Variants in NDUFB5 observed in about 807,000 individuals in gnomAD.
NDUFB5 encodes the protein NADH dehydrogenase [ubiquinone] 1 beta subcomplex subunit 5, mitochondrial.
A neutral mutation model predicts 19.4 loss-of-function variants in NDUFB5; 19 were observed. The ratio of observed to expected loss-of-function variants is 0.98; its 90% CI spans 0.68 to 1.43. The LOEUF (loss-of-function observed/expected upper bound fraction) is 1.43. NDUFB5 is among the 40% of genes most tolerant of loss of function. The pLI is 0.00. For synonymous variants in NDUFB5, 80 were observed against 82.6 expected (o/e 0.97, Z 0.17); for missense variants, 233 against 236.5 (o/e 0.99, Z 0.10).
At chr3:179,620,904 T>G (rs1169663172) in intron 5 of NDUFB5, among the ~76,000 whole-genome samples, 1 of 152,244 alleles carries the variant, frequency 6.6e-6, no homozygotes, top group East Asian at 1.9e-4. Context: ...ACCAGTTGTT[T>G]CTTCATCAGT....
intron 1 of NDUFB5, among the ~76,000 whole-genome samples, chr3:179,606,923 T>G (rs1719117597): frequency 6.6e-6 from 1 of 152,236 alleles, no homozygotes; most frequent in Admixed American, 6.5e-5. Flanking sequence ...CAGCAGGAAT[T>G]TGAACTTGTT....
In NDUFB5 at chr3:179,625,722, C is replaced by T. The variant is rs1719653422; in HGVS notation, c.*1682C>T. The T allele has an allele frequency of 6.6e-6, 1 of 152,144 alleles. No individual in the cohort carries two copies. The allele number at this position is 152,144 out of a possible 1,614,324, so 9.4% of individuals were successfully genotyped here. A position where few individuals can be genotyped will look rare whatever the true frequency, so the allele number is the denominator to read the frequency against. ...CCTACTCTCCCCTTCCCTTCCCAGCCTTGTAACCACCTTTCTACTCTGCCT... is the reference window on the plus strand; with the variant it reads ...CCTACTCTCCCCTTCCCTTCCCAGCTTTGTAACCACCTTTCTACTCTGCCT... On this transcript the variant is annotated 3_prime_UTR_variant, in exon 6 of 6. Coordinates refer to ENST00000259037, the MANE Select transcript of NDUFB5 (RefSeq NM_002492.4).
At chr3:179,616,947 A>T in intron 3 of NDUFB5, 36 bp from the exon 4 acceptor site, 2 of 1,504,484 alleles carry the variant, frequency 1.3e-6, no homozygotes, top group Non-Finnish European at 1.8e-6. Flanking sequence ...TAAACTCCTC[A>T]TGCTAAAGTT....
chr3:179,614,886 T>A, intron 1 of NDUFB5, 85 bp from the exon 2 acceptor site: 1 of 996,766 alleles, frequency 1.0e-6, no homozygotes, highest in East Asian at 2.6e-5. Flanking sequence ...GATCCTTGTA[T>A]TTTTTTATAA....
Position 179,604,889 on chromosome 3 carries a change from C to T in NDUFB5, c.74C>T (p.Thr25Ile), listed in dbSNP as rs1362516700. 2.5e-6 allele frequency: 4 copies of T among 1,595,664 alleles called. No individual in the cohort carries two copies. Among genetic ancestry groups the T allele is most frequent in the Admixed American group, 1.9e-5 (1 of 52,518 alleles). The change falls in exon 1 of 6, where the codon ACT becomes ATT. Residue 25 changes from threonine to isoleucine, a missense_variant. Thr to Ile is a moderately conservative substitution (Grantham distance 89, BLOSUM62 -1). Transcript: ENST00000259037. ...VAALSGRPLG[T>I]RLGFGGFLTR... Reference sequence around the variant, plus strand: ...GCTCTGTCTGGCCGGCCCCTTGGCACTCGCCTCGGATTTGGGGGCTTCCTC... The same window carrying T: ...GCTCTGTCTGGCCGGCCCCTTGGCATTCGCCTCGGATTTGGGGGCTTCCTC...
Position 179,604,800 on chromosome 3 carries a change from C to T in NDUFB5, c.-16C>T, listed in dbSNP as rs773683957. The T allele has an allele frequency of 5.6e-6, 9 of 1,609,756 alleles. No homozygotes were observed. In the South Asian group the frequency reaches 7.7e-5, roughly 14 times the overall value. On this transcript the variant is annotated 5_prime_UTR_variant, in exon 1 of 6. Coordinates refer to ENST00000259037, the MANE Select transcript of NDUFB5 (RefSeq NM_002492.4). ...TCCGTGACCCGCCTCCCTTCTTCCT[C>T]CTGCCCGTAGTAGCCATGGCGGCCA...
At chr3:179,616,547 CA>C (rs1045937726) in intron 3 of NDUFB5, among the ~76,000 whole-genome samples, 7 of 149,716 alleles carry the variant, frequency 4.7e-5, no homozygotes, top group African/African-American at 7.3e-5. Context: ...GTCCCCCCCC[CA>C]AAAAAAAACT....
Position 179,624,071 on chromosome 3 carries a change from C to T in NDUFB5, c.*31C>T. ...TTTTTCTCCAAATACAAAGTATATT[C>T]TCTTTATTGGAAAATAAATTAATAA... On this transcript the variant is annotated 3_prime_UTR_variant, in exon 6 of 6. Coordinates refer to ENST00000259037, the MANE Select transcript of NDUFB5 (RefSeq NM_002492.4). The T allele has an allele frequency of 6.3e-7, 1 of 1,575,580 alleles. No individual in the cohort carries two copies. The highest frequency in any genetic ancestry group is 8.7e-7 in the Non-Finnish European group (1 of 1,154,290).
At chr3:179,607,929 A>G (rs1202221398) in intron 1 of NDUFB5, 2 of 641,774 alleles carry the variant, frequency 3.1e-6, no homozygotes, top group Non-Finnish European at 5.6e-6. Flanking sequence ...TCCGTTGTCC[A>G]TTGTATGTAT....
chr3:179,622,406 TG>T (rs1370372949), intron 5 of NDUFB5, among the ~76,000 whole-genome samples: 1 of 152,162 alleles, frequency 6.6e-6, no homozygotes, highest in East Asian at 1.9e-4. Flanking sequence ...CCTCAGCTCC[TG>T]AGTAGCTAGG....
At chr3:179,619,109 TTTTC>T (rs941642870) in intron 5 of NDUFB5, among the ~76,000 whole-genome samples, 3 of 151,252 alleles carry the variant, frequency 2.0e-5, no homozygotes, top group Admixed American at 6.6e-5. Context: ...GCTATGTGGA[TTTTC>T]TTTCTTATAC....
At chr3:179,618,817 C>T (rs1719451422) in intron 5 of NDUFB5, among the ~76,000 whole-genome samples, 1 of 151,706 alleles carries the variant, frequency 6.6e-6, no homozygotes, top group Non-Finnish European at 1.5e-5. Flanking sequence ...TGCCACTGCA[C>T]TGCAGCCTGG....
intron 2 of NDUFB5, 74 bp downstream of exon 2, chr3:179,615,133 A>AT: frequency 1.4e-6 from 1 of 736,426 alleles, no homozygotes. Flanking sequence ...TTTAGAAAAC[A>AT]TCTTTCATTT....
At chr3:179,605,036 C>CG in intron 1 of NDUFB5, 97 bp downstream of exon 1, 1 of 1,409,318 alleles carries the variant, frequency 7.1e-7, no homozygotes, top group Non-Finnish European at 9.2e-7. Context: ...CGGAGGGAGC[C>CG]GGGACAAGTT....
At chr3:179,618,661 G>T in intron 5 of NDUFB5, 140 bp downstream of exon 5, 1 of 611,536 alleles carries the variant, frequency 1.6e-6, no homozygotes, top group Non-Finnish European at 2.8e-6. Context: ...AGATGCAGTG[G>T]CTCACACCTG....
chr3:179,606,174 C>G (rs1719093911), intron 1 of NDUFB5, among the ~76,000 whole-genome samples: 1 of 152,146 alleles, frequency 6.6e-6, no homozygotes, highest in Non-Finnish European at 1.5e-5. Context: ...TAGCAAAGAT[C>G]AAATGCTTGA....
chr3:179,612,018 TTGCTCAGGC>T (rs2108395252), intron 1 of NDUFB5, among the ~76,000 whole-genome samples: 1 of 151,728 alleles, frequency 6.6e-6, no homozygotes, highest in South Asian at 2.1e-4. Flanking sequence ...TCTAGCTATG[TTGCTCAGGC>T]TGACCTCAAA....
rs1281778833 is a variant in NDUFB5 at position 179,626,991 on chromosome 3, A to C, written c.*2951A>C. 6.6e-6 allele frequency: 1 copy of C among 152,214 alleles called. No homozygotes were observed. Among genetic ancestry groups the C allele is most frequent in the African/African-American group, 2.4e-5 (1 of 41,442 alleles). The allele number at this position is 152,214 out of a possible 1,614,324, so 9.4% of individuals were successfully genotyped here. A position where few individuals can be genotyped will look rare whatever the true frequency, so the allele number is the denominator to read the frequency against. On this transcript the variant is annotated 3_prime_UTR_variant, in exon 6 of 6. Transcript: ENST00000259037. ...GGTAATTTATAAAGAAAAAAGGTGT[A>C]AATGGCTCATAGTTCTGCAGACTGT...
chr3:179,623,769 T>C (rs1034127909), intron 5 of NDUFB5, 151 bp from the exon 6 acceptor site: 1 of 925,546 alleles, frequency 1.1e-6, no homozygotes. Context: ...GTTATAGATA[T>C]ATACCAGATG....
Sources: gnomAD v4.1 joint callset for allele counts (sites outside exome capture counted in the v4.1 genomes callset) on GRCh38, gnomAD v4.1.1 for gene constraint, MANE v1.5 for transcripts, NCBI Gene and HGNC (gene_info 2026-07-23, HGNC 2026-07-21) for gene names.